The following PRELID2 variants were observed in gnomAD, a reference collection of about 807,000 sequenced individuals.
The protein encoded by PRELID2 is PRELI domain containing 2, also known as PRELI domain-containing protein 2.
Under a neutral mutation model 28.4 loss-of-function variants are expected in PRELID2, and 25 were observed. The ratio of observed to expected loss-of-function variants is 0.88; its 90% CI spans 0.64 to 1.23. The LOEUF (loss-of-function observed/expected upper bound fraction) is 1.23. Ranked by LOEUF, PRELID2 falls within the 50% of genes most tolerant of loss-of-function variation. The pLI is 0.00. For missense variants in PRELID2, 201 were observed against 214.4 expected, an observed-to-expected ratio of 0.94 and a Z score of 0.39; for synonymous variants, 76 against 71.6, an observed-to-expected ratio of 1.06 and a Z score of -0.31.
intron 1 of PRELID2, among the ~76,000 whole-genome samples, chr5:145,487,244 T>A (rs13169912): frequency 0.63 from 93,635 of 148,506 alleles, 30,280 homozygotes; most frequent in East Asian, 0.99. Flanking sequence ...AGTATAATAA[T>A]AAAAAAAAAG....
At chr5:145,711,737 G>GT (rs1208316037) in intron 1 of PRELID2, among the ~76,000 whole-genome samples, 1 of 151,492 alleles carries the variant, frequency 6.6e-6, no homozygotes, top group African/African-American at 2.4e-5. Context: ...TGTTGGGTGG[G>GT]TTGGGGGGCG....
rs180740654 is a variant in PRELID2, at chr5:145,481,270, G to C, written n.71-7955C>G. 1.5e-3 allele frequency among the ~76,000 whole-genome samples: 230 copies of C among 151,976 alleles called. 1 individual carries two copies. The highest frequency in any genetic ancestry group is 3.6e-3 in the Admixed American group (55 of 15,248). ...TGGTTTATTTGGTTTGTTTTCAGTA[G>C]CTTTTTTCCTACCTTTTTTCTTTTA... On this transcript the variant is annotated intron_variant and non_coding_transcript_variant, in intron 1 of 2. Coordinates refer to the PRELID2 transcript ENST00000510259.
chr5:145,466,476 C>T, the PRELID2 span, among the ~76,000 whole-genome samples: 1 of 152,056 alleles, frequency 6.6e-6, no homozygotes, highest in Non-Finnish European at 1.5e-5. Context: ...ATATATATTA[C>T]ATGATATATA....
chr5:145,569,327 A>G (rs1429357919), intron 1 of PRELID2, among the ~76,000 whole-genome samples: 1 of 152,240 alleles, frequency 6.6e-6, no homozygotes, highest in Non-Finnish European at 1.5e-5. Flanking sequence ...TTCTAAACTT[A>G]AACTATTTTT....
the PRELID2 span, among the ~76,000 whole-genome samples, chr5:145,313,481 C>G: frequency 6.6e-6 from 1 of 152,128 alleles, no homozygotes; most frequent in Admixed American, 6.5e-5. Context: ...ACCTGTTCAC[C>G]TTAGAATATG....
At chr5:145,480,489 A>T (rs1010402352) in intron 1 of PRELID2, among the ~76,000 whole-genome samples, 4 of 152,276 alleles carry the variant, frequency 2.6e-5, no homozygotes, top group African/African-American at 9.6e-5. Flanking sequence ...TCCTGCCAGA[A>T]TCCACTGTAA....
chr5:145,405,425 T>C, the PRELID2 span, among the ~76,000 whole-genome samples: 7 of 152,198 alleles, frequency 4.6e-5, no homozygotes, highest in African/African-American at 1.7e-4. Flanking sequence ...AGAGGTTTAA[T>C]TGGCTCATCG....
At chr5:145,299,966 T>G in the PRELID2 span, among the ~76,000 whole-genome samples, 1 of 152,150 alleles carries the variant, frequency 6.6e-6, no homozygotes, top group African/African-American at 2.4e-5. Context: ...CTAGTATTTT[T>G]CAACAGTAAC....
At chr5:145,772,239 C>T (rs1004383087) in intron 5 of PRELID2, among the ~76,000 whole-genome samples, 2 of 151,694 alleles carry the variant, frequency 1.3e-5, no homozygotes, top group African/African-American at 4.8e-5. Flanking sequence ...AATTAAACAA[C>T]CTGTTCAAAA....
chr5:145,772,977 T>C (rs6580386), intron 5 of PRELID2, among the ~76,000 whole-genome samples: 10,599 of 152,238 alleles, frequency 0.07, 833 homozygotes, highest in African/African-American at 0.19. Flanking sequence ...CTAATAAACT[T>C]TTGAGTAAGA....
chr5:145,321,807 C>T, the PRELID2 span, among the ~76,000 whole-genome samples: 1 of 152,182 alleles, frequency 6.6e-6, no homozygotes, highest in Non-Finnish European at 1.5e-5. Context: ...GCTGCCCTCC[C>T]TTCCTCATAC....
chr5:145,585,833 G>C (rs1753149357), intron 1 of PRELID2, among the ~76,000 whole-genome samples: 1 of 152,082 alleles, frequency 6.6e-6, no homozygotes, highest in African/African-American at 2.4e-5. Flanking sequence ...CTGGGGGCCA[G>C]AGATACCGAA....
At chr5:145,391,012 G>A in the PRELID2 span, among the ~76,000 whole-genome samples, 1 of 152,140 alleles carries the variant, frequency 6.6e-6, no homozygotes, top group Non-Finnish European at 1.5e-5. Context: ...CAAGAAATGG[G>A]CTCCCATGGC....
At chr5:145,720,953 A>G (rs1755972094) in intron 1 of PRELID2, among the ~76,000 whole-genome samples, 1 of 152,096 alleles carries the variant, frequency 6.6e-6, no homozygotes, top group African/African-American at 2.4e-5. Context: ...TCTATTATGA[A>G]GTAGATATAT....
intron 1 of PRELID2, among the ~76,000 whole-genome samples, chr5:145,575,710 C>T (rs527478891): frequency 6.6e-6 from 1 of 151,942 alleles, no homozygotes. Flanking sequence ...ATAAAAGTAG[C>T]CCTTCATTAT....
the PRELID2 span, among the ~76,000 whole-genome samples, chr5:145,361,688 G>C: frequency 6.6e-6 from 1 of 152,044 alleles, no homozygotes; most frequent in African/African-American, 2.4e-5. Context: ...TCTTTCCTTT[G>C]TCCAACATTT....
chr5:145,615,333 T>A (rs1462355355), intron 1 of PRELID2, among the ~76,000 whole-genome samples: 2 of 131,036 alleles, frequency 1.5e-5, no homozygotes, highest in South Asian at 4.9e-4. Flanking sequence ...TTTTGTTTTT[T>A]TTTTTTTTTT....
At chr5:145,791,550 G>A (rs1752394575) in intron 5 of PRELID2, among the ~76,000 whole-genome samples, 1 of 152,106 alleles carries the variant, frequency 6.6e-6, no homozygotes, top group African/African-American at 2.4e-5. Context: ...AAAGTAGAAT[G>A]GTGGTTGCCA....
chr5:145,400,331 G>C, the PRELID2 span, among the ~76,000 whole-genome samples: 3 of 152,014 alleles, frequency 2.0e-5, no homozygotes, highest in Non-Finnish European at 2.9e-5. Flanking sequence ...GCTGAGGAAA[G>C]TTCAGGATCC....
Sources: allele counts gnomAD v4.1 joint callset (sites outside exome capture counted in the v4.1 genomes callset), GRCh38; gene constraint gnomAD v4.1.1; transcripts MANE v1.5; gene names NCBI Gene and HGNC (gene_info 2026-07-23, HGNC 2026-07-21).